MEF2A: variants seen among roughly 807,000 people sequenced by gnomAD.
MEF2A encodes myocyte enhancer factor 2A.
A neutral mutation model predicts 55.8 loss-of-function variants in MEF2A; 28 were observed. The observed-to-expected ratio is 0.50, with a 90% CI of 0.37 to 0.69. MEF2A has a LOEUF of 0.69. Ranked by LOEUF, MEF2A falls within the 30% of genes least tolerant of loss-of-function variation. The pLI is 0.00. For missense variants in MEF2A, 528 were observed against 626.2 expected (o/e 0.84, Z 1.67); for synonymous variants, 239 against 227.1 (o/e 1.05, Z -0.47).
intron 7 of MEF2A, among the ~76,000 whole-genome samples, chr15:99,688,613 C>T (rs1446109609): frequency 2.0e-5 from 3 of 152,024 alleles, no homozygotes; most frequent in East Asian, 1.9e-4. Flanking sequence ...AAAAATTAGC[C>T]GGGCGTGGTG....
At chr15:99,703,318 A>G (rs1279196462) in intron 8 of MEF2A, 44 bp from the exon 9 acceptor site, 1 of 1,606,280 alleles carries the variant, frequency 6.2e-7, no homozygotes. Context: ...GTGAGTACCA[A>G]CAGTCTTAGT....
chr15:99,652,743 A>G (rs776897922), intron 4 of MEF2A, among the ~76,000 whole-genome samples: 5 of 152,222 alleles, frequency 3.3e-5, no homozygotes, highest in Non-Finnish European at 7.3e-5. Context: ...GCATTTCCCA[A>G]GCAGTAAGTT....
intron 4 of MEF2A, among the ~76,000 whole-genome samples, chr15:99,665,053 G>C (rs2049336294): frequency 6.6e-6 from 1 of 152,106 alleles, no homozygotes; most frequent in African/African-American, 2.4e-5. Context: ...ACAATCAATG[G>C]TATTCCACAG....
chr15:99,705,607 A>G (rs2057943872), intron 9 of MEF2A, among the ~76,000 whole-genome samples: 1 of 152,236 alleles, frequency 6.6e-6, no homozygotes, highest in African/African-American at 2.4e-5. Flanking sequence ...GTTAGAAAGT[A>G]GAAATTAAAA....
intron 1 of MEF2A, among the ~76,000 whole-genome samples, chr15:99,588,078 G>T (rs541097777): frequency 1.3e-5 from 2 of 151,160 alleles, no homozygotes; most frequent in Non-Finnish European, 2.9e-5. Flanking sequence ...GCTCTTTATA[G>T]GTTGAGGAAG....
intron 2 of MEF2A, among the ~76,000 whole-genome samples, chr15:99,608,621 G>A (rs983389530): frequency 2.0e-5 from 3 of 152,102 alleles, no homozygotes; most frequent in South Asian, 2.1e-4. Context: ...TACTTTGGGC[G>A]AGCGTGGTGG....
At chr15:99,645,278 C>G (rs1329779831) in intron 3 of MEF2A, among the ~76,000 whole-genome samples, 2 of 152,132 alleles carry the variant, frequency 1.3e-5, no homozygotes, top group African/African-American at 2.4e-5. Context: ...GAACACTGAT[C>G]AACTGTTCCT....
chr15:99,708,727 GAC>G (rs1418749902), intron 10 of MEF2A, among the ~76,000 whole-genome samples: 2 of 152,232 alleles, frequency 1.3e-5, no homozygotes, highest in South Asian at 2.1e-4. Context: ...GAAGGCACAA[GAC>G]ACACAGCTCT....
chr15:99,569,599 T>C (rs1365783882), intron 1 of MEF2A, among the ~76,000 whole-genome samples: 1 of 152,192 alleles, frequency 6.6e-6, no homozygotes, highest in East Asian at 1.9e-4. Context: ...TAAATATAAA[T>C]AGTTTCCCAA....
chr15:99,669,774 T>G (rs1185406082), intron 4 of MEF2A, among the ~76,000 whole-genome samples: 1 of 152,252 alleles, frequency 6.6e-6, no homozygotes, highest in Non-Finnish European at 1.5e-5. Flanking sequence ...ACTGTGCTTA[T>G]GTTCTACTTC....
chr15:99,653,686 A>T (rs1205614308), intron 4 of MEF2A, among the ~76,000 whole-genome samples: 1 of 152,198 alleles, frequency 6.6e-6, no homozygotes, highest in Non-Finnish European at 1.5e-5. Flanking sequence ...ATGAGAAGGT[A>T]AACCTTCCAT....
intron 4 of MEF2A, among the ~76,000 whole-genome samples, chr15:99,651,833 A>G (rs191204735): frequency 6.6e-6 from 1 of 152,340 alleles, no homozygotes; most frequent in Non-Finnish European, 1.5e-5. Context: ...ATTCTCCATT[A>G]GAGGTTCATG....
chr15:99,584,153 A>G (rs192528330), intron 1 of MEF2A, among the ~76,000 whole-genome samples: 12 of 152,338 alleles, frequency 7.9e-5, no homozygotes, highest in Admixed American at 4.6e-4. Flanking sequence ...AATATAGCAC[A>G]GCTCCATTAT....
chr15:99,579,273 G>T (rs919917867), intron 1 of MEF2A, among the ~76,000 whole-genome samples: 3 of 149,732 alleles, frequency 2.0e-5, no homozygotes, highest in Admixed American at 2.0e-4. Context: ...TCTGTTTAGA[G>T]TATTGGCTTA....
At chr15:99,641,498 C>T (rs767728561) in intron 3 of MEF2A, among the ~76,000 whole-genome samples, 5 of 152,056 alleles carry the variant, frequency 3.3e-5, no homozygotes, top group Admixed American at 6.6e-5. Context: ...CCGAGGCGGG[C>T]GGATCACGAG....
chr15:99,702,096 A>G (rs2057456310), intron 8 of MEF2A, among the ~76,000 whole-genome samples: 1 of 152,252 alleles, frequency 6.6e-6, no homozygotes, highest in Admixed American at 6.5e-5. Context: ...GTTAGACAGT[A>G]TATTTTGGTG....
chr15:99,714,849 C>T lies in MEF2A; in HGVS notation c.*2078C>T, dbSNP rs1361511310. 5.1e-5 allele frequency: 6 copies of T among 116,990 alleles called. No individual in the cohort carries two copies. Among genetic ancestry groups the T allele is most frequent in the Non-Finnish European group, 9.7e-5 (6 of 61,992 alleles). The allele number at this position is 116,990 out of a possible 1,614,324, so 7.2% of individuals were successfully genotyped here. ...ATTACGTTCCTTTTGACATTTTCCT[C>T]ATCTGCTGTTTGTGACAAGTCATCA... On this transcript the variant is annotated 3_prime_UTR_variant, in exon 12 of 12. Coordinates refer to ENST00000557942, the MANE Select transcript of MEF2A (RefSeq NM_001319206.4).
chr15:99,612,802 C>A (rs546100569), intron 2 of MEF2A, among the ~76,000 whole-genome samples: 22 of 152,236 alleles, frequency 1.4e-4, no homozygotes, highest in Non-Finnish European at 2.9e-4. Context: ...AATAGTTACA[C>A]CTGTCTCAGG....
chr15:99,694,916 A>G (rs1027569573), intron 8 of MEF2A, among the ~76,000 whole-genome samples: 3 of 151,236 alleles, frequency 2.0e-5, no homozygotes, highest in Admixed American at 6.6e-5. Context: ...GCTTTGTTCT[A>G]GCTTCAGCTT....
Sources: allele counts gnomAD v4.1 joint callset (sites outside exome capture counted in the v4.1 genomes callset), GRCh38; gene constraint gnomAD v4.1.1; transcripts MANE v1.5; gene names NCBI Gene and HGNC (gene_info 2026-07-23, HGNC 2026-07-21).